The following AZIN2 variants were observed in gnomAD, a reference collection of about 807,000 sequenced individuals.
The protein encoded by AZIN2 is antizyme inhibitor 2.
A neutral mutation model predicts 47.8 loss-of-function variants in AZIN2; 28 were observed. The ratio of observed to expected loss-of-function variants is 0.59; its 90% CI spans 0.43 to 0.80. The LOEUF (loss-of-function observed/expected upper bound fraction) is 0.80. Among genes scored for constraint, AZIN2 ranks in the 30% least tolerant of loss-of-function variants. AZIN2 has a pLI of 0.00. For synonymous variants in AZIN2, 221 were observed against 239.4 expected (o/e 0.92, Z 0.71); for missense variants, 535 against 582.5 (o/e 0.92, Z 0.84).
chr1:33,114,285 A>AT (rs1207121816), intron 10 of AZIN2, among the ~76,000 whole-genome samples: 2 of 138,692 alleles, frequency 1.4e-5, no homozygotes, highest in Non-Finnish European at 1.6e-5. Flanking sequence ...TGCCTGGCTA[A>AT]TTTTTTTGTA....
At chr1:33,162,132 T>C in the AZIN2 span, among the ~76,000 whole-genome samples, 1 of 152,208 alleles carries the variant, frequency 6.6e-6, no homozygotes, top group African/African-American at 2.4e-5. Context: ...AGAGTGATCC[T>C]TCTAAAGTGC....
chr1:33,144,047 G>T, the AZIN2 span, among the ~76,000 whole-genome samples: 1 of 152,090 alleles, frequency 6.6e-6, no homozygotes, highest in African/African-American at 2.4e-5. Context: ...AGTGTCTGAT[G>T]GCATTCATGA....
chr1:33,153,195 C>T, the AZIN2 span, among the ~76,000 whole-genome samples: 562 of 152,260 alleles, frequency 3.7e-3, 3 homozygotes, highest in Non-Finnish European at 4.9e-3. Context: ...GGGCACCCCT[C>T]CCATCTGGAC....
intron 10 of AZIN2, among the ~76,000 whole-genome samples, chr1:33,112,300 G>A (rs1022706587): frequency 6.6e-6 from 1 of 152,146 alleles, no homozygotes; most frequent in African/African-American, 2.4e-5. Context: ...ATGTGTGTTC[G>A]AGGAGATATA....
the AZIN2 span, among the ~76,000 whole-genome samples, chr1:33,145,202 G>C: frequency 6.6e-6 from 1 of 152,188 alleles, no homozygotes; most frequent in African/African-American, 2.4e-5. Flanking sequence ...TTGTGGTGTG[G>C]CACTTGCCAG....
chr1:33,100,203 C>T (rs967091628), intron 10 of AZIN2, among the ~76,000 whole-genome samples: 4 of 151,848 alleles, frequency 2.6e-5, no homozygotes, highest in Non-Finnish European at 4.4e-5. Flanking sequence ...TGCCTGTGAT[C>T]GCAGCTACTT....
the AZIN2 span, chr1:33,165,480 C>T: frequency 1.6e-5 from 25 of 1,603,528 alleles, no homozygotes; most frequent in Non-Finnish European, 2.0e-5. This position sits in a 1 kb window ranked among gnomAD's most constrained non-coding sequence, Gnocchi z 4.0. Flanking sequence ...CCTTGGTCTC[C>T]GCCAGTTGTC....
In AZIN2 at chr1:33,084,628, G is replaced by A. The variant is rs183974092; in HGVS notation, c.279+501G>A. On this transcript the variant is annotated intron_variant, in intron 5 of 11. Transcript: ENST00000294517. ...TTTTCATTTTTTGAGATGGTGTCTT[G>A]CTCTGTCACCCAGGCTGGAGTGCAG... Among the ~76,000 whole-genome samples, 3 of 152,102 alleles carry A rather than the reference G, an allele frequency of 2.0e-5. No homozygotes were observed. In the East Asian group the frequency reaches 5.8e-4, roughly 29 times the overall value.
the AZIN2 span, chr1:33,158,221 C>T: frequency 1.9e-6 from 3 of 1,597,474 alleles, no homozygotes; most frequent in Non-Finnish European, 2.6e-6. Context: ...CATGCCCCAC[C>T]TAGCTCTGGA....
At chr1:33,101,353 A>G (rs1481678589) in intron 10 of AZIN2, among the ~76,000 whole-genome samples, 1 of 151,894 alleles carries the variant, frequency 6.6e-6, no homozygotes, top group African/African-American at 2.4e-5. Flanking sequence ...CCCTCTTTTT[A>G]AGTCTGTTTT....
intron 11 of AZIN2, 79 bp downstream of exon 11, chr1:33,118,195 G>C: frequency 1.4e-6 from 2 of 1,417,536 alleles, no homozygotes; most frequent in Non-Finnish European, 9.4e-7. Context: ...TTGAGATTCT[G>C]CTTCTGTGTA....
chr1:33,100,760 G>C (rs1197930134), intron 10 of AZIN2, among the ~76,000 whole-genome samples: 1 of 152,016 alleles, frequency 6.6e-6, no homozygotes, highest in Non-Finnish European at 1.5e-5. Flanking sequence ...CCCCATCATC[G>C]GTGTTGAGCT....
At chr1:33,091,427 A>T (rs1329347793) in intron 5 of AZIN2, among the ~76,000 whole-genome samples, 2 of 151,998 alleles carry the variant, frequency 1.3e-5, no homozygotes, top group Non-Finnish European at 2.9e-5. Flanking sequence ...TTTGGTAGAG[A>T]TGGGGTTTTG....
chr1:33,159,594 C>T, the AZIN2 span: 1 of 1,460,884 alleles, frequency 6.8e-7, no homozygotes, highest in Non-Finnish European at 9.1e-7. This position sits in a 1 kb window ranked among gnomAD's most constrained non-coding sequence, Gnocchi z 4.2. Context: ...AAAGAATTCT[C>T]TGCTAAGGAT....
intron 10 of AZIN2, among the ~76,000 whole-genome samples, chr1:33,105,082 A>G (rs1321713928): frequency 1.3e-5 from 2 of 152,190 alleles, no homozygotes; most frequent in East Asian, 3.8e-4. Flanking sequence ...AGCTGCTCTG[A>G]TATTAAAAGG....
the AZIN2 span, among the ~76,000 whole-genome samples, chr1:33,161,748 G>A: frequency 2.0e-5 from 3 of 152,230 alleles, no homozygotes; most frequent in African/African-American, 4.8e-5. This position sits in a 1 kb window ranked among gnomAD's most constrained non-coding sequence, Gnocchi z 4.3. Flanking sequence ...CTCCACAGGC[G>A]CCCAGACTCC....
the AZIN2 span, among the ~76,000 whole-genome samples, chr1:33,139,196 A>C: frequency 1.3e-5 from 2 of 152,146 alleles, no homozygotes; most frequent in Admixed American, 1.3e-4. Context: ...CACAAAATCT[A>C]GGTGTCGGGG....
At position 33,119,683 on chromosome 1, in the gene AZIN2, T is replaced by G. The variant is rs572075363; in HGVS notation, c.1245-361T>G. 3 of 318,016 alleles carry G rather than the reference T, an allele frequency of 9.4e-6. No individual in the cohort carries two copies. The South Asian group carries it at 9.7e-5, about 10-fold the overall frequency. The allele number at this position is 318,016 out of a possible 1,614,324, so 19.7% of individuals were successfully genotyped here. A position where few individuals can be genotyped will look rare whatever the true frequency, so the allele number is the denominator to read the frequency against. ...GTTCTACTACCTACTAGGGATGTGA[T>G]CTTAGGTAGGTCACTTCTCTCTCTG... On this transcript the variant is annotated intron_variant, in intron 11 of 11. Coordinates refer to ENST00000294517, the MANE Select transcript of AZIN2 (RefSeq NM_052998.4).
At chr1:33,140,215 G>A in the AZIN2 span, among the ~76,000 whole-genome samples, 1 of 152,204 alleles carries the variant, frequency 6.6e-6, no homozygotes, top group Non-Finnish European at 1.5e-5. This position sits in a 1 kb window ranked among gnomAD's most constrained non-coding sequence, Gnocchi z 4.0. Context: ...GATGCTTACG[G>A]TGGCGATGAA....
Sources: allele counts gnomAD v4.1 joint callset (sites outside exome capture counted in the v4.1 genomes callset), GRCh38; gene constraint gnomAD v4.1.1; non-coding constraint Gnocchi (gnomAD v3.1); transcripts MANE v1.5; gene names NCBI Gene and HGNC (gene_info 2026-07-23, HGNC 2026-07-21).